Variants in TMEM108 observed in about 807,000 individuals in gnomAD.
TMEM108 encodes the protein transmembrane protein 108.
A neutral mutation model predicts 35.1 loss-of-function variants in TMEM108; 12 were observed. The ratio of observed to expected loss-of-function variants is 0.34; its 90% CI spans 0.22 to 0.55. The LOEUF is 0.55. Ranked by LOEUF, TMEM108 falls within the 20% of genes least tolerant of loss-of-function variation. The pLI, the probability that TMEM108 is intolerant of heterozygous loss-of-function variation, is 0.89. For synonymous variants in TMEM108, 287 were observed against 308.6 expected (o/e 0.93, Z 0.73); for missense variants, 680 against 753.3 (o/e 0.90, Z 1.14).
chr3:133,108,341 G>A (rs2107722091), intron 2 of TMEM108, among the ~76,000 whole-genome samples: 1 of 152,216 alleles, frequency 6.6e-6, no homozygotes, highest in East Asian at 1.9e-4. Context: ...TCTCATTGTG[G>A]TTTTGATTTG....
chr3:133,358,135 C>A lies in TMEM108; in HGVS notation c.41-21617C>A, dbSNP rs547050701. ...TTGGGCAACAAAAATTTCATGGCAT[C>A]TTTGAAGAAGGAAGCTATTAAGGAG... is the stretch of plus-strand genomic sequence containing the variant. On this transcript the variant is annotated intron_variant, in intron 3 of 5. Coordinates refer to ENST00000321871, the MANE Select transcript of TMEM108 (RefSeq NM_023943.4). 9.3e-5 allele frequency among the ~76,000 whole-genome samples: 14 copies of A among 151,062 alleles called. No individual in the cohort carries two copies. In the East Asian group the frequency reaches 1.2e-3, roughly 13 times the overall value.
At chr3:133,090,792 A>G (rs532931081) in intron 2 of TMEM108, among the ~76,000 whole-genome samples, 1 of 152,176 alleles carries the variant, frequency 6.6e-6, no homozygotes, top group Non-Finnish European at 1.5e-5. Context: ...TTAAGGACAT[A>G]TATCTTACAT....
intron 2 of TMEM108, among the ~76,000 whole-genome samples, chr3:133,197,005 G>C (rs1225146230): frequency 1.3e-5 from 2 of 152,190 alleles, no homozygotes; most frequent in Admixed American, 6.5e-5. Context: ...TTGAGAGAAT[G>C]ACTATTAGTA....
At chr3:133,163,455 G>A (rs765543995) in intron 2 of TMEM108, among the ~76,000 whole-genome samples, 3 of 152,132 alleles carry the variant, frequency 2.0e-5, no homozygotes, top group African/African-American at 4.8e-5. Flanking sequence ...TATACCATAG[G>A]GGTCAAGGAG....
chr3:133,224,152 T>C (rs1444264751), intron 2 of TMEM108, among the ~76,000 whole-genome samples: 1 of 152,218 alleles, frequency 6.6e-6, no homozygotes, highest in Non-Finnish European at 1.5e-5. Flanking sequence ...ATCATTTATT[T>C]ATTCATTCAT....
intron 2 of TMEM108, among the ~76,000 whole-genome samples, chr3:133,227,897 A>T (rs954401912): frequency 6.6e-6 from 1 of 152,188 alleles, no homozygotes; most frequent in African/African-American, 2.4e-5. Context: ...TCGTCTCAAA[A>T]AAAAACATAA....
chr3:133,380,279 C>T lies in TMEM108; in HGVS notation c.568C>T (p.His190Tyr). ...SRPVPPAPGG[H>Y]SRSKEGQRGR... Reference sequence around the variant, plus strand: ...CCCTGTCCCGCCTGCACCTGGTGGCCACTCCAGGAGTAAAGAAGGACAGCG... The same window carrying T: ...CCCTGTCCCGCCTGCACCTGGTGGCTACTCCAGGAGTAAAGAAGGACAGCG... The change falls in exon 4 of 6, where the codon CAC becomes TAC. Residue 190 changes from histidine to tyrosine, a missense_variant. His to Tyr is a moderately conservative substitution (Grantham distance 83, BLOSUM62 2). Coordinates refer to ENST00000321871, the MANE Select transcript of TMEM108 (RefSeq NM_023943.4). The surrounding 1 kb of genome is among the most constrained non-coding windows in gnomAD (Gnocchi z 5.3). The T allele has an allele frequency of 1.2e-6, 2 of 1,614,130 alleles. No homozygotes were observed. The highest frequency in any genetic ancestry group is 1.7e-6 in the Non-Finnish European group (2 of 1,179,992).
chr3:133,214,315 C>T (rs1945875124), intron 2 of TMEM108, among the ~76,000 whole-genome samples: 1 of 152,138 alleles, frequency 6.6e-6, no homozygotes, highest in African/African-American at 2.4e-5. Flanking sequence ...CATGTCCCCA[C>T]CTGTAAAGCA....
intron 2 of TMEM108, among the ~76,000 whole-genome samples, chr3:133,112,015 CAGTGAGAGTTTATAT>C (rs2065953197): frequency 6.6e-6 from 1 of 152,096 alleles, no homozygotes; most frequent in Non-Finnish European, 1.5e-5. Flanking sequence ...GTGTGTTCTG[CAGTGAGAGTTTATAT>C]GCTTTATCCA....
chr3:133,142,830 T>G (rs1022089684), intron 2 of TMEM108, among the ~76,000 whole-genome samples: 4 of 152,170 alleles, frequency 2.6e-5, no homozygotes, highest in Non-Finnish European at 4.4e-5. Flanking sequence ...TCTAAATGCT[T>G]TACATGTCTC....
chr3:133,367,852 T>A (rs1176365262), intron 3 of TMEM108, among the ~76,000 whole-genome samples: 2 of 152,146 alleles, frequency 1.3e-5, no homozygotes, highest in South Asian at 4.2e-4. Flanking sequence ...CTCAACAAGT[T>A]CTTTTGTGAG....
At chr3:133,341,232 C>G (rs2071652601) in intron 3 of TMEM108, among the ~76,000 whole-genome samples, 2 of 151,778 alleles carry the variant, frequency 1.3e-5, no homozygotes, top group Admixed American at 1.3e-4. Flanking sequence ...AATCAACATA[C>G]AAAAATCAGT....
chr3:133,340,506 C>T (rs1299330658), intron 3 of TMEM108, among the ~76,000 whole-genome samples: 1 of 151,470 alleles, frequency 6.6e-6, no homozygotes, highest in East Asian at 1.9e-4. Flanking sequence ...CAACTAATAC[C>T]AATTCTACTC....
chr3:133,084,685 C>T (rs7618244), intron 2 of TMEM108, among the ~76,000 whole-genome samples: 36,257 of 152,030 alleles, frequency 0.24, 4,489 homozygotes, highest in East Asian at 0.31. Context: ...ACATATATTA[C>T]GTCATTACTA....
intron 3 of TMEM108, among the ~76,000 whole-genome samples, chr3:133,376,323 C>G (rs1003409022): frequency 7.9e-5 from 12 of 152,178 alleles, no homozygotes; most frequent in African/African-American, 2.9e-4. Context: ...TCCTCTCCCA[C>G]CTGAGGGCCT....
At chr3:133,280,254 C>T (rs1320644348) in intron 3 of TMEM108, among the ~76,000 whole-genome samples, 1 of 152,196 alleles carries the variant, frequency 6.6e-6, no homozygotes, top group African/African-American at 2.4e-5. Context: ...ACACGGTTTT[C>T]ACCCTGTCCC....
At chr3:133,133,046 G>A (rs1004245548) in intron 2 of TMEM108, among the ~76,000 whole-genome samples, 2 of 152,200 alleles carry the variant, frequency 1.3e-5, no homozygotes, top group African/African-American at 4.8e-5. Context: ...TGCTGCTTAT[G>A]GATGAGCAAA....
chr3:133,063,015 G>A (rs1943553939), intron 2 of TMEM108, among the ~76,000 whole-genome samples: 1 of 152,096 alleles, frequency 6.6e-6, no homozygotes, highest in Non-Finnish European at 1.5e-5. Flanking sequence ...GGAGGGTGAG[G>A]GACAGTGAAA....
At chr3:133,220,051 T>C (rs549378994) in intron 2 of TMEM108, among the ~76,000 whole-genome samples, 88 of 151,600 alleles carry the variant, frequency 5.8e-4, no homozygotes, top group Middle Eastern at 3.4e-3. Flanking sequence ...GAACCTTTCA[T>C]CCTTATATAA....
Sources: gnomAD v4.1 joint callset for allele counts (sites outside exome capture counted in the v4.1 genomes callset) on GRCh38, gnomAD v4.1.1 for gene constraint, Gnocchi (gnomAD v3.1) non-coding constraint, MANE v1.5 for transcripts, NCBI Gene and HGNC (gene_info 2026-07-23, HGNC 2026-07-21) for gene names.